Variants in ESF1 observed in about 807,000 individuals in gnomAD.
ESF1 encodes the protein ESF1 nucleolar pre-rRNA processing protein.
A neutral mutation model predicts 92.0 loss-of-function variants in ESF1; 58 were observed. The observed-to-expected ratio is 0.63, with a 90% CI of 0.51 to 0.78. The LOEUF is 0.78. ESF1 is among the 30% of genes least tolerant of loss of function. The pLI is 0.00. For synonymous variants in ESF1, 321 were observed against 313.7 expected (o/e 1.02, Z -0.24); for missense variants, 922 against 989.1 (o/e 0.93, Z 0.91).
intron 11 of ESF1, among the ~76,000 whole-genome samples, chr20:13,722,638 C>G (rs753631847): frequency 7.9e-5 from 12 of 152,086 alleles, no homozygotes; most frequent in Non-Finnish European, 1.6e-4. Flanking sequence ...TTGCTTGAAG[C>G]CAGGAGTTTG....
At chr20:13,729,350 G>A (rs2049926483) in intron 10 of ESF1, among the ~76,000 whole-genome samples, 3 of 152,226 alleles carry the variant, frequency 2.0e-5, no homozygotes, top group Admixed American at 1.3e-4. Context: ...CAGATACATG[G>A]TTTCTGCCCT....
At chr20:13,766,689 G>T in intron 8 of ESF1, 88 bp downstream of exon 8, 1 of 1,301,630 alleles carries the variant, frequency 7.7e-7, no homozygotes, top group Non-Finnish European at 1.1e-6. Context: ...GTGCATGTGA[G>T]CATATCTGCA....
In ESF1 at chr20:13,784,127, T is replaced by C. The variant is rs541982297; in HGVS notation, c.-44+753A>G. Reference sequence around the variant, plus strand: ...TTTCTATAATATCTGATTCTACCAGTGATGAAGGCCCAAGTGAGCTCATTC... The same window carrying C: ...TTTCTATAATATCTGATTCTACCAGCGATGAAGGCCCAAGTGAGCTCATTC... On this transcript the variant is annotated intron_variant, in intron 1 of 13. Transcript: ENST00000617257. Among the ~76,000 whole-genome samples, 6 of 152,296 alleles carry C rather than the reference T, an allele frequency of 3.9e-5. No homozygotes were observed. The East Asian group carries it at 9.7e-4, about 25-fold the overall frequency.
At chr20:13,766,700 G>A in intron 8 of ESF1, 77 bp downstream of exon 8, 1 of 1,432,312 alleles carries the variant, frequency 7.0e-7, no homozygotes, top group Non-Finnish European at 9.7e-7. Context: ...CATATCTGCA[G>A]ACAGAATTTG....
At chr20:13,763,481 CA>C (rs1389331698) in intron 8 of ESF1, among the ~76,000 whole-genome samples, 1 of 152,216 alleles carries the variant, frequency 6.6e-6, no homozygotes, top group East Asian at 1.9e-4. Context: ...ATCCAATCTT[CA>C]CAAGTGTACA....
Position 13,770,041 on chromosome 20 carries a change from A to G in ESF1, c.1404-20T>C. The G allele has an allele frequency of 3.4e-6, 5 of 1,459,600 alleles. No homozygotes were observed. The highest frequency in any genetic ancestry group is 4.7e-6 in the Non-Finnish European group (5 of 1,057,360). The allele number at this position is 1,459,600 out of a possible 1,614,324, so 90.4% of individuals were successfully genotyped here. A position where few individuals can be genotyped will look rare whatever the true frequency, so the allele number is the denominator to read the frequency against. On this transcript the variant is annotated intron_variant, in intron 6 of 13. Coordinates refer to ENST00000617257, the MANE Select transcript of ESF1 (RefSeq NM_001276380.2). ...ATAAACCTAAGAAGTAAAGAAAAAA[A>G]ATTTATTTAAAATACGCTGCAGTGA...
chr20:13,717,474 C>T lies in ESF1; in HGVS notation c.2156G>A (p.Ser719Asn). Residue 719 changes from serine to asparagine, a missense_variant, in exon 13 of 14, where the codon AGT becomes AAT. Physicochemically the swap from Ser to Asn is conservative, Grantham distance 46 (BLOSUM62 1). Coordinates refer to ENST00000617257, the MANE Select transcript of ESF1 (RefSeq NM_001276380.2). The stretch of plus-strand genomic sequence containing the variant: ...CTTGTTGTAATTGAAGTGTTTCTTA[C>T]TGTCCTCGTCCTCATCCATCATAAG... Reference protein sequence around the residue: ...ALLMMDEDEDSKKHFNYNKIV... With the variant: ...ALLMMDEDEDNKKHFNYNKIV... The T allele has an allele frequency of 6.2e-7, 1 of 1,614,016 alleles. No homozygotes were observed. Among genetic ancestry groups the T allele is most frequent in the Non-Finnish European group, 8.5e-7 (1 of 1,180,012 alleles).
At chr20:13,720,176 T>C (rs1182166534) in intron 11 of ESF1, among the ~76,000 whole-genome samples, 2 of 152,114 alleles carry the variant, frequency 1.3e-5, no homozygotes, top group Non-Finnish European at 2.9e-5. Context: ...CTCCTTTCCT[T>C]GTACCCAAGC....
chr20:13,748,487 CAT>C (rs1166282348), intron 9 of ESF1, among the ~76,000 whole-genome samples: 105 of 136,798 alleles, frequency 7.7e-4, no homozygotes, highest in African/African-American at 2.3e-3. Flanking sequence ...CACATATACA[CAT>C]ATATATACAT....
At chr20:13,746,153 T>C (rs889011622) in intron 9 of ESF1, among the ~76,000 whole-genome samples, 6 of 151,822 alleles carry the variant, frequency 4.0e-5, no homozygotes, top group Non-Finnish European at 8.8e-5. Flanking sequence ...TTATTAGAGA[T>C]GGGGTTTCAC....
At chr20:13,770,427 G>GGCAT (rs1231736787) in intron 6 of ESF1, among the ~76,000 whole-genome samples, 2 of 152,190 alleles carry the variant, frequency 1.3e-5, no homozygotes, top group Non-Finnish European at 2.9e-5. Context: ...GGAGGTCCAT[G>GGCAT]GCATAATCAT....
chr20:13,744,827 T>C (rs529448574), intron 9 of ESF1, among the ~76,000 whole-genome samples: 1 of 152,308 alleles, frequency 6.6e-6, no homozygotes, highest in East Asian at 1.9e-4. Context: ...CTATTCCCCA[T>C]GTAGGCTTTA....
At chr20:13,729,122 G>C (rs535992222) in intron 10 of ESF1, among the ~76,000 whole-genome samples, 2 of 152,138 alleles carry the variant, frequency 1.3e-5, no homozygotes. Context: ...AGCCAGGCAT[G>C]GTGGTGGGCA....
intron 1 of ESF1, among the ~76,000 whole-genome samples, chr20:13,783,477 C>T (rs1980360476): frequency 6.6e-6 from 1 of 152,206 alleles, no homozygotes; most frequent in African/African-American, 2.4e-5. Context: ...TCATCCATTG[C>T]TCTCACTTAG....
At chr20:13,734,840 G>A (rs1480997935) in intron 9 of ESF1, among the ~76,000 whole-genome samples, 3 of 152,126 alleles carry the variant, frequency 2.0e-5, no homozygotes, top group South Asian at 2.1e-4. Context: ...AAGTAGAAAC[G>A]ATACTAAATA....
chr20:13,726,972 T>G (rs1034353362), intron 11 of ESF1, among the ~76,000 whole-genome samples: 2 of 152,214 alleles, frequency 1.3e-5, no homozygotes, highest in Admixed American at 6.5e-5. Flanking sequence ...GCAAATTTTA[T>G]CTATACCTTT....
chr20:13,733,045 C>T (rs1001078040), intron 10 of ESF1, among the ~76,000 whole-genome samples: 2 of 152,006 alleles, frequency 1.3e-5, no homozygotes, highest in Admixed American at 1.3e-4. Flanking sequence ...CCTAATTCAG[C>T]CTCCCAAGTA....
At chr20:13,757,725 C>A (rs1428114162) in intron 9 of ESF1, among the ~76,000 whole-genome samples, 2 of 152,096 alleles carry the variant, frequency 1.3e-5, no homozygotes, top group Non-Finnish European at 2.9e-5. Flanking sequence ...TTAATAAAGA[C>A]ACAATCTAGA....
At position 13,774,926 on chromosome 20, in the gene ESF1, A is replaced by C. The variant is rs531966052; in HGVS notation, c.1149+231T>G. On this transcript the variant is annotated intron_variant, in intron 4 of 13. Coordinates refer to ENST00000617257, the MANE Select transcript of ESF1 (RefSeq NM_001276380.2). Reference sequence around the variant, plus strand: ...TATGCTGTCCCTTTACTGAGCTTTTATTTCTTTGGATTTTTAATGTGTAAA... The same window carrying C: ...TATGCTGTCCCTTTACTGAGCTTTTCTTTCTTTGGATTTTTAATGTGTAAA... Among the ~76,000 whole-genome samples the C allele has an allele frequency of 2.6e-5, 4 of 152,180 alleles. No individual in the cohort carries two copies. In the East Asian group the frequency reaches 7.7e-4, roughly 29 times the overall value.
Sources: gnomAD v4.1 joint callset for allele counts (sites outside exome capture counted in the v4.1 genomes callset) on GRCh38, gnomAD v4.1.1 for gene constraint, MANE v1.5 for transcripts, NCBI Gene and HGNC (gene_info 2026-07-23, HGNC 2026-07-21) for gene names.